Variants in LPAR3 observed in about 807,000 individuals in gnomAD.
LPAR3 encodes the protein LPA receptor 3.
A neutral mutation model predicts 17.8 loss-of-function variants in LPAR3; 7 were observed. The ratio of observed to expected loss-of-function variants is 0.39; its 90% CI spans 0.22 to 0.74. The LOEUF (loss-of-function observed/expected upper bound fraction) is 0.74. Among genes scored for constraint, LPAR3 ranks in the 30% least tolerant of loss-of-function variants. LPAR3 has a pLI of 0.40. For synonymous variants in LPAR3, 179 were observed against 179.9 expected, an observed-to-expected ratio of 0.99 and a Z score of 0.04; for missense variants, 391 against 453.4, an observed-to-expected ratio of 0.86 and a Z score of 1.25.
intron 2 of LPAR3, among the ~76,000 whole-genome samples, chr1:84,814,692 A>T (rs1415898508): frequency 6.6e-6 from 1 of 152,252 alleles, no homozygotes; most frequent in African/African-American, 2.4e-5. Context: ...GCATTCTTCT[A>T]GTAGTTTAAC....
At chr1:84,814,520 T>C (rs544230047) in intron 2 of LPAR3, among the ~76,000 whole-genome samples, 2 of 152,326 alleles carry the variant, frequency 1.3e-5, no homozygotes, top group South Asian at 4.1e-4. Context: ...GTTGCACTCA[T>C]TATCCACATT....
chr1:84,863,772 C>T (rs541234340), intron 2 of LPAR3, among the ~76,000 whole-genome samples: 1 of 152,346 alleles, frequency 6.6e-6, no homozygotes, highest in South Asian at 2.1e-4. Context: ...CTAATAGGTT[C>T]CTAAATTTAG....
intron 2 of LPAR3, among the ~76,000 whole-genome samples, chr1:84,864,811 A>G (rs1570893229): frequency 6.6e-6 from 1 of 152,040 alleles, no homozygotes; most frequent in East Asian, 1.9e-4. Flanking sequence ...AAAAAAAATG[A>G]AAAGCTGAAG....
chr1:84,875,720 T>C (rs190005735), intron 1 of LPAR3, among the ~76,000 whole-genome samples: 3 of 152,386 alleles, frequency 2.0e-5, no homozygotes, highest in Admixed American at 2.0e-4. Flanking sequence ...ATTCTATTTC[T>C]TTACATTGTA....
chr1:84,817,980 T>G (rs1237039269), intron 2 of LPAR3, among the ~76,000 whole-genome samples: 1 of 152,186 alleles, frequency 6.6e-6, no homozygotes, highest in Non-Finnish European at 1.5e-5. Flanking sequence ...CTGAGCAGCC[T>G]AGCACAAAGT....
At chr1:84,840,368 A>C (rs966542745) in intron 2 of LPAR3, among the ~76,000 whole-genome samples, 1 of 152,222 alleles carries the variant, frequency 6.6e-6, no homozygotes, top group East Asian at 1.9e-4. Flanking sequence ...TGGTCCTAGA[A>C]TTAAATATCA....
At chr1:84,838,672 A>G (rs1041503638) in intron 2 of LPAR3, among the ~76,000 whole-genome samples, 1 of 152,146 alleles carries the variant, frequency 6.6e-6, no homozygotes, top group Non-Finnish European at 1.5e-5. Context: ...TCTCTAATTC[A>G]TTCTCCATAG....
intron 2 of LPAR3, among the ~76,000 whole-genome samples, chr1:84,833,854 G>A (rs1416028921): frequency 6.6e-6 from 1 of 152,180 alleles, no homozygotes; most frequent in East Asian, 1.9e-4. Context: ...CATTCTTGCT[G>A]TTGACACTGC....
intron 2 of LPAR3, among the ~76,000 whole-genome samples, chr1:84,843,460 A>C (rs550106859): frequency 2.0e-5 from 3 of 152,332 alleles, no homozygotes; most frequent in Non-Finnish European, 4.4e-5. Flanking sequence ...AAAGCAGCAG[A>C]AGAAGGACTT....
At chr1:84,888,421 C>T (rs537877001) in intron 1 of LPAR3, among the ~76,000 whole-genome samples, 1 of 152,294 alleles carries the variant, frequency 6.6e-6, no homozygotes, top group East Asian at 1.9e-4. Context: ...AAATTCTATA[C>T]TTGATCCCTT....
At chr1:84,846,603 C>G (rs1469924805) in intron 2 of LPAR3, among the ~76,000 whole-genome samples, 2 of 152,058 alleles carry the variant, frequency 1.3e-5, no homozygotes, top group African/African-American at 4.8e-5. Context: ...ATTGGAAGCA[C>G]AGTTTGCAGG....
At chr1:84,881,627 T>C (rs1296784731) in intron 1 of LPAR3, among the ~76,000 whole-genome samples, 1 of 151,984 alleles carries the variant, frequency 6.6e-6, no homozygotes, top group Non-Finnish European at 1.5e-5. Context: ...ATAACTACAG[T>C]CCAAGAAAGA....
chr1:84,887,156 G>A (rs888495399), intron 1 of LPAR3, among the ~76,000 whole-genome samples: 8 of 151,894 alleles, frequency 5.3e-5, no homozygotes, highest in African/African-American at 1.9e-4. Context: ...CTTGAGCTCA[G>A]GATTTCGAGA....
Position 84,875,138 on chromosome 1 carries a change from G to A in LPAR3, c.-18-9000C>T, listed in dbSNP as rs181937781. On this transcript the variant is annotated intron_variant, in intron 1 of 2. Transcript: ENST00000370611. ...TGGTCTCAAACTCCTGATCTCAGAT[G>A]ATCCGCCTGTGTTGGTCTCCCAAAG... Among the ~76,000 whole-genome samples the A allele has an allele frequency of 1.3e-3, 197 of 152,282 alleles. 3 individuals carry two copies. Among genetic ancestry groups the A allele is most frequent in the Admixed American group, 2.3e-3 (35 of 15,276 alleles).
chr1:84,814,931 T>A (rs1335519863), intron 2 of LPAR3, among the ~76,000 whole-genome samples: 11 of 152,190 alleles, frequency 7.2e-5, no homozygotes, highest in Admixed American at 7.2e-4. Flanking sequence ...CACAGCATCA[T>A]ACTTACCTTA....
intron 2 of LPAR3, among the ~76,000 whole-genome samples, chr1:84,856,595 G>A (rs1659834363): frequency 1.3e-5 from 2 of 151,762 alleles, no homozygotes; most frequent in Admixed American, 6.6e-5. Context: ...ACAGTTCATC[G>A]ATGAAGCTTA....
chr1:84,871,654 G>C (rs1660160159), intron 1 of LPAR3, among the ~76,000 whole-genome samples: 2 of 152,196 alleles, frequency 1.3e-5, no homozygotes, highest in South Asian at 4.1e-4. Context: ...TCCTGGGTCA[G>C]CAATCACGTC....
intron 2 of LPAR3, among the ~76,000 whole-genome samples, chr1:84,861,801 C>T (rs1263370834): frequency 6.6e-6 from 1 of 152,176 alleles, no homozygotes; most frequent in Non-Finnish European, 1.5e-5. Flanking sequence ...AACCAATTCC[C>T]CAATGTTGTC....
chr1:84,892,051 A>G (rs1264496998), intron 1 of LPAR3, among the ~76,000 whole-genome samples: 1 of 151,870 alleles, frequency 6.6e-6, no homozygotes, highest in African/African-American at 2.4e-5. Context: ...GTCTCTACTA[A>G]AAATACAAAA....
Sources: gnomAD v4.1 joint callset for allele counts (sites outside exome capture counted in the v4.1 genomes callset) on GRCh38, gnomAD v4.1.1 for gene constraint, MANE v1.5 for transcripts, NCBI Gene and HGNC (gene_info 2026-07-23, HGNC 2026-07-21) for gene names.